Variants in ABTB2 observed in about 807,000 individuals in gnomAD.
ABTB2 encodes the protein ankyrin repeat and BTB domain containing 2.
Under a neutral mutation model 104.1 loss-of-function variants are expected in ABTB2, and 56 were observed. The observed-to-expected ratio is 0.54, with a 90% CI of 0.43 to 0.67. ABTB2 has a LOEUF of 0.67. ABTB2 is among the 30% of genes least tolerant of loss of function. ABTB2 has a pLI of 0.00. For missense variants in ABTB2, 1,279 were observed against 1,407.7 expected (o/e 0.91, Z 1.46); for synonymous variants, 606 against 608.2 (o/e 1.00, Z 0.05).
intron 3 of ABTB2, among the ~76,000 whole-genome samples, chr11:34,192,094 C>T (rs980546265): frequency 1.1e-4 from 16 of 152,286 alleles, no homozygotes; most frequent in African/African-American, 3.8e-4. Context: ...ATTTTGAGAC[C>T]AACCTGGGCA....
intron 1 of ABTB2, among the ~76,000 whole-genome samples, chr11:34,269,304 C>G (rs1264116665): frequency 2.0e-5 from 3 of 152,158 alleles, no homozygotes; most frequent in African/African-American, 7.2e-5. Flanking sequence ...ATTCCTGGCT[C>G]TGTTGTTTAG....
intron 1 of ABTB2, among the ~76,000 whole-genome samples, chr11:34,216,349 CAA>C (rs1853548618): frequency 6.6e-6 from 1 of 152,286 alleles, no homozygotes; most frequent in African/African-American, 2.4e-5. Flanking sequence ...CAACCCCTGG[CAA>C]CCACTGATCT....
chr11:34,331,238 A>T (rs948304989), intron 1 of ABTB2, among the ~76,000 whole-genome samples: 2 of 152,222 alleles, frequency 1.3e-5, no homozygotes, highest in African/African-American at 4.8e-5. Flanking sequence ...ATACATGACA[A>T]GCCTAAGAAG....
chr11:34,239,596 T>G lies in ABTB2; in HGVS notation c.884-34906A>C, dbSNP rs559478883. On this transcript the variant is annotated intron_variant, in intron 1 of 16. Coordinates refer to ENST00000435224, the MANE Select transcript of ABTB2 (RefSeq NM_145804.3). ...TCTTCCCATCTCAGCCTCCCAAAGT[T>G]CTGGGATTACAGGTCTGAGCCACCA... Among the ~76,000 whole-genome samples, 5 of 152,130 alleles carry G rather than the reference T, an allele frequency of 3.3e-5. No individual in the cohort carries two copies. The South Asian group carries it at 1.0e-3, about 32-fold the overall frequency.
At chr11:34,335,663 C>A (rs1292241182) in intron 1 of ABTB2, 26 of 1,419,688 alleles carry the variant, frequency 1.8e-5, no homozygotes, top group Non-Finnish European at 2.5e-5. Context: ...TGTGTCATCA[C>A]AAACTTGTGT....
chr11:34,297,983 G>A (rs925213044), intron 1 of ABTB2, among the ~76,000 whole-genome samples: 25 of 151,710 alleles, frequency 1.6e-4, no homozygotes, highest in Admixed American at 1.3e-4. Context: ...TACAAACACT[G>A]TAATTCCCTT....
chr11:34,270,998 T>C (rs1854307652), intron 1 of ABTB2, among the ~76,000 whole-genome samples: 1 of 152,160 alleles, frequency 6.6e-6, no homozygotes. Context: ...ACTCATTTAC[T>C]AGCAGCCAGA....
Position 34,357,942 on chromosome 11 carries a change from C to CGGCGCAG in ABTB2, c.-366_-360dup, listed in dbSNP as rs900328326. The CGGCGCAG allele has an allele frequency of 2.0e-3, 453 of 229,802 alleles. 1 individual carries two copies. Among genetic ancestry groups the CGGCGCAG allele is most frequent in the Middle Eastern group, 3.9e-3 (3 of 776 alleles). The allele number at this position is 229,802 out of a possible 1,614,324, so 14.2% of individuals were successfully genotyped here. On this transcript the variant is annotated 5_prime_UTR_variant, in exon 1 of 17. Transcript: ENST00000435224. ...CGGCGGCGGCAGAAGGAGGAGGCGG[C>CGGCGCAG]GGCGCAGGGCGCAGGGCGCAGCGCG...
intron 3 of ABTB2, among the ~76,000 whole-genome samples, chr11:34,191,511 T>A (rs535438198): frequency 1.9e-4 from 29 of 152,242 alleles, no homozygotes; most frequent in African/African-American, 6.7e-4. Flanking sequence ...GAGAACAAGA[T>A]TAGTATAACA....
intron 1 of ABTB2, among the ~76,000 whole-genome samples, chr11:34,246,720 A>G (rs11032575): frequency 0.61 from 92,750 of 151,342 alleles, 28,708 homozygotes; most frequent in African/African-American, 0.69. Flanking sequence ...AAAACCTCAC[A>G]TACTTCTTTA....
intron 1 of ABTB2, among the ~76,000 whole-genome samples, chr11:34,241,342 G>A (rs1457359821): frequency 6.6e-6 from 1 of 152,144 alleles, no homozygotes; most frequent in Non-Finnish European, 1.5e-5. Context: ...GCCAGGAAAG[G>A]GGGTGGGGAG....
chr11:34,232,407 G>A (rs543903063), intron 1 of ABTB2, among the ~76,000 whole-genome samples: 20 of 144,818 alleles, frequency 1.4e-4, no homozygotes, highest in Admixed American at 2.2e-4. Context: ...CTGAGATCGC[G>A]CCACTGCACT....
At chr11:34,227,454 G>C (rs1853702762) in intron 1 of ABTB2, among the ~76,000 whole-genome samples, 1 of 152,060 alleles carries the variant, frequency 6.6e-6, no homozygotes, top group Non-Finnish European at 1.5e-5. Context: ...TTTGTGTCTG[G>C]CTTCTTTTAT....
At chr11:34,247,094 A>G (rs1198527864) in intron 1 of ABTB2, among the ~76,000 whole-genome samples, 2 of 151,906 alleles carry the variant, frequency 1.3e-5, no homozygotes, top group Admixed American at 6.6e-5. Flanking sequence ...TGATCCGCCC[A>G]CCTCAGCCTC....
intron 1 of ABTB2, among the ~76,000 whole-genome samples, chr11:34,293,712 G>C (rs1482182050): frequency 6.6e-6 from 1 of 151,934 alleles, no homozygotes; most frequent in East Asian, 1.9e-4. Flanking sequence ...GTAAGGGTAA[G>C]GAAAACAAGG....
chr11:34,184,164 C>T (rs557596143), intron 3 of ABTB2, among the ~76,000 whole-genome samples: 2 of 151,804 alleles, frequency 1.3e-5, no homozygotes, highest in African/African-American at 2.4e-5. Flanking sequence ...AGCACTCTCA[C>T]GAAAGGGGGA....
chr11:34,241,573 T>G (rs1381181872), intron 1 of ABTB2, among the ~76,000 whole-genome samples: 5 of 152,166 alleles, frequency 3.3e-5, no homozygotes, highest in African/African-American at 4.8e-5. Context: ...CATCCAGAGC[T>G]CCAATGCTGA....
chr11:34,152,926 A>G (rs889845485), intron 16 of ABTB2, among the ~76,000 whole-genome samples: 12 of 152,164 alleles, frequency 7.9e-5, no homozygotes, highest in African/African-American at 2.4e-4. Context: ...GCACATGGTA[A>G]ATGCTGGATA....
intron 3 of ABTB2, among the ~76,000 whole-genome samples, chr11:34,176,737 G>T (rs1178993964): frequency 1.3e-5 from 2 of 152,196 alleles, no homozygotes; most frequent in African/African-American, 4.8e-5. Flanking sequence ...AGTGTACCCA[G>T]GTTTTCAGTT....
Sources: gnomAD v4.1 joint callset for allele counts (sites outside exome capture counted in the v4.1 genomes callset) on GRCh38, gnomAD v4.1.1 for gene constraint, MANE v1.5 for transcripts, NCBI Gene and HGNC (gene_info 2026-07-23, HGNC 2026-07-21) for gene names.